Variants in TPRA1 observed in about 807,000 individuals in gnomAD.
TPRA1 encodes transmembrane protein adipocyte associated 1.
TPRA1 carries 28 observed loss-of-function variants against 40.1 expected under a neutral mutation model. The observed-to-expected ratio is 0.70, with a 90% CI of 0.52 to 0.96. The LOEUF (loss-of-function observed/expected upper bound fraction) is 0.96. Among genes scored for constraint, TPRA1 ranks in the 40% least tolerant of loss-of-function variants. The probability of loss-of-function intolerance (pLI) is 0.00; values close to 1 mark genes in which losing one functional copy is unlikely to be tolerated. For missense variants in TPRA1, 441 were observed against 482.6 expected (o/e 0.91, Z 0.81); for synonymous variants, 219 against 209.7 (o/e 1.04, Z -0.38).
chr3:127,593,118 T>C (rs949751006), upstream of TPRA1, among the ~76,000 whole-genome samples: 2 of 152,238 alleles, frequency 1.3e-5, no homozygotes, highest in African/African-American at 4.8e-5. Flanking sequence ...GTTGTATTTG[T>C]GAAATAACCA....
At chr3:127,584,787 G>A (rs2073951100) in intron 1 of TPRA1, among the ~76,000 whole-genome samples, 1 of 152,060 alleles carries the variant, frequency 6.6e-6, no homozygotes, top group Non-Finnish European at 1.5e-5. Flanking sequence ...CTAAAACAGA[G>A]GCCCAACAAA....
intron 3 of TPRA1, among the ~76,000 whole-genome samples, chr3:127,578,327 T>A (rs924702153): frequency 2.0e-5 from 3 of 152,114 alleles, no homozygotes; most frequent in African/African-American, 7.2e-5. Context: ...CAGATCAACA[T>A]CTGTTATGCA....
intron 1 of TPRA1, among the ~76,000 whole-genome samples, chr3:127,586,167 G>A (rs904801616): frequency 6.6e-6 from 1 of 152,186 alleles, no homozygotes; most frequent in African/African-American, 2.4e-5. Flanking sequence ...TGCACCCCTG[G>A]AGGACTGGGC....
intron 1 of TPRA1, chr3:127,586,983 A>G (rs2074020909): frequency 6.6e-6 from 1 of 151,980 alleles, no homozygotes; most frequent in Non-Finnish European, 1.5e-5. Context: ...TGAGGTGGAA[A>G]CTCAGCTCCC....
At chr3:127,583,453 G>A (rs1199720979) in intron 1 of TPRA1, among the ~76,000 whole-genome samples, 1 of 152,016 alleles carries the variant, frequency 6.6e-6, no homozygotes, top group Non-Finnish European at 1.5e-5. Context: ...AGCTATGATC[G>A]TGCCACTGCA....
rs902312601 is a variant in TPRA1 at position 127,576,609 on chromosome 3, C to T, written c.498+8G>A. On this transcript the variant is annotated splice_region_variant and intron_variant, in intron 6 of 10. Coordinates refer to ENST00000355552, the MANE Select transcript of TPRA1 (RefSeq NM_001136053.4). This position sits in a 1 kb window ranked among gnomAD's most constrained non-coding sequence, Gnocchi z 4.6. ...CCTAGCGTCCCCTGCCCACACTCAC[C>T]CTCTTACCTGGGTGACAGAGTAGGC... 6.3e-7 allele frequency: 1 copy of T among 1,595,754 alleles called. No homozygotes were observed. Among genetic ancestry groups the T allele is most frequent in the Non-Finnish European group, 8.5e-7 (1 of 1,170,934 alleles).
rs139405223 is a variant in TPRA1, at chr3:127,574,049, G to A, written c.855-261C>T. 6.6e-5 allele frequency among the ~76,000 whole-genome samples: 10 copies of A among 152,324 alleles called. No homozygotes were observed. In the South Asian group the frequency reaches 1.0e-3, roughly 16 times the overall value. On this transcript the variant is annotated intron_variant, in intron 10 of 10. Transcript: ENST00000355552. ...ATGGTGAAATGGGTGTGTGGACACC[G>A]TGTGGAGGAAGAATGGACATAAATC...
intron 10 of TPRA1, 140 bp from the exon 11 acceptor site, chr3:127,573,928 C>T: frequency 8.6e-7 from 1 of 1,167,750 alleles, no homozygotes; most frequent in Non-Finnish European, 1.2e-6. Flanking sequence ...GGCCTGTGAG[C>T]TGGACCCCAG....
chr3:127,582,701 C>CAAAAA (rs1404690468), intron 1 of TPRA1, among the ~76,000 whole-genome samples: 1 of 76,188 alleles, frequency 1.3e-5, no homozygotes, highest in Non-Finnish European at 2.8e-5. Context: ...GACTCTGTCT[C>CAAAAA]AAAAAAAAAA....
At chr3:127,574,942 G>C (rs1008289332) in intron 10 of TPRA1, 3 of 569,230 alleles carry the variant, frequency 5.3e-6, no homozygotes, top group Middle Eastern at 9.5e-4. Flanking sequence ...ATGTGCATGT[G>C]TGCATGCTTG....
rs1183944079 is a variant in TPRA1 at position 127,571,233 on chromosome 3, T to C, written c.*2288A>G. ...AAGTTGCATGCATACTTACATCCAT[T>C]GGCCAGAACCCACCTGCAAGGAAGG... On this transcript the variant is annotated 3_prime_UTR_variant, in exon 11 of 11. Coordinates refer to ENST00000355552, the MANE Select transcript of TPRA1 (RefSeq NM_001136053.4). 1.3e-5 allele frequency: 2 copies of C among 152,234 alleles called. No individual in the cohort carries two copies. The highest frequency in any genetic ancestry group is 2.4e-5 in the African/African-American group (1 of 41,444). The allele number at this position is 152,234 out of a possible 1,614,324, so 9.4% of individuals were successfully genotyped here.
At chr3:127,588,625 T>C (rs1249461494) in intron 1 of TPRA1, among the ~76,000 whole-genome samples, 3 of 152,116 alleles carry the variant, frequency 2.0e-5, no homozygotes, top group Admixed American at 6.5e-5. Context: ...TTCACCATGT[T>C]GGCCAAGCTG....
chr3:127,580,601 C>T (rs905470552), intron 1 of TPRA1, among the ~76,000 whole-genome samples: 1 of 152,204 alleles, frequency 6.6e-6, no homozygotes, highest in East Asian at 1.9e-4. Flanking sequence ...GTGGTGATGC[C>T]GAGTGCCTCA....
In TPRA1 at chr3:127,579,803, A is replaced by T; in HGVS notation, c.195T>A (p.Leu65=). The T allele has an allele frequency of 6.2e-7, 1 of 1,614,098 alleles. No homozygotes were observed. The highest frequency in any genetic ancestry group is 8.5e-7 in the Non-Finnish European group (1 of 1,180,018). Reference sequence around the variant, plus strand: ...TGCGGATCTTCGCCCGAGCAGATGGAAGCTTCCAGAGCAGGAAGATGAGGA... The same window carrying T: ...TGCGGATCTTCGCCCGAGCAGATGGTAGCTTCCAGAGCAGGAAGATGAGGA... ...VLFLIFLLWK[L]PSARAKIRIT... The change falls in exon 3 of 11, where the codon CTT becomes CTA. Residue 65 remains leucine (L), a synonymous_variant. Transcript: ENST00000355552.
intron 8 of TPRA1, 42 bp downstream of exon 8, chr3:127,575,707 T>C (rs774958071): frequency 7.3e-5 from 117 of 1,606,238 alleles, no homozygotes; most frequent in Non-Finnish European, 7.3e-5. Flanking sequence ...GTAGACTCCC[T>C]CCCATCCCCG....
In TPRA1 at chr3:127,580,094, G is replaced by A; in HGVS notation, c.53C>T (p.Pro18Leu). ...CACACTGATGTTTGGTGCCAGGGGTGGGGGTAGCGCTGTGCTCCCATTGGC... is the reference window on the plus strand; with the variant it reads ...CACACTGATGTTTGGTGCCAGGGGTAGGGGTAGCGCTGTGCTCCCATTGGC... ...TWANGSTALP[P>L]PLAPNISVPH... The change falls in exon 2 of 11, where the codon CCA becomes CTA. Residue 18 changes from proline (P) to leucine (L), a missense_variant. Pro to Leu is a moderately conservative substitution (Grantham distance 98). Coordinates refer to ENST00000355552, the MANE Select transcript of TPRA1 (RefSeq NM_001136053.4). The A allele has an allele frequency of 1.2e-6, 2 of 1,613,818 alleles. No homozygotes were observed. Among genetic ancestry groups the A allele is most frequent in the Non-Finnish European group, 1.7e-6 (2 of 1,180,010 alleles).
Position 127,573,534 on chromosome 3 carries a change from G to GA in TPRA1, c.1108_1109insT (p.Ala370ValfsTer40), listed in dbSNP as rs2073445575. On this transcript the variant is annotated frameshift_variant, in exon 11 of 11. Coordinates refer to ENST00000355552, the MANE Select transcript of TPRA1 (RefSeq NM_001136053.4). LOFTEE classifies it high-confidence loss of function. ...TGGCAGCTGCCCTCAGGCATTGATG[G>GA]CCTTCCAGCGCTCGCTGTCTGTGCT... 1 of 1,611,778 alleles carries GA rather than the reference G, an allele frequency of 6.2e-7. No homozygotes were observed. Among genetic ancestry groups the GA allele is most frequent in the Non-Finnish European group, 8.5e-7 (1 of 1,179,322 alleles).
In TPRA1 at chr3:127,576,478, G is replaced by A; in HGVS notation, c.498+139C>T. ...ACCCCAGAATGTGCCTCGGTAACAA[G>A]CACCCCATGTGATTTCTCAGGTGCA... On this transcript the variant is annotated intron_variant, in intron 6 of 10. Transcript: ENST00000355552. This position sits in a 1 kb window ranked among gnomAD's most constrained non-coding sequence, Gnocchi z 4.6. The A allele has an allele frequency of 1.2e-6, 1 of 840,230 alleles. No individual in the cohort carries two copies. Among genetic ancestry groups the A allele is most frequent in the Non-Finnish European group, 1.8e-6 (1 of 555,276 alleles). 52.0% of individuals were successfully genotyped at this position (840,230 alleles called of 1,614,324 possible).
chr3:127,596,038 G>A (rs1402636993), intron 1 of TPRA1, among the ~76,000 whole-genome samples: 2 of 152,172 alleles, frequency 1.3e-5, no homozygotes, highest in Non-Finnish European at 2.9e-5. Flanking sequence ...CACAGACACC[G>A]AGACAGTGGG....
Sources: gnomAD v4.1 joint callset for allele counts (sites outside exome capture counted in the v4.1 genomes callset) on GRCh38, gnomAD v4.1.1 for gene constraint, Gnocchi (gnomAD v3.1) non-coding constraint, MANE v1.5 for transcripts, NCBI Gene and HGNC (gene_info 2026-07-23, HGNC 2026-07-21) for gene names.